Variants in GRIA3 observed in about 807,000 individuals in gnomAD.
GRIA3 encodes glutamate receptor 3.
A neutral mutation model predicts 63.0 loss-of-function variants in GRIA3; 3 were observed. That is an observed-to-expected ratio of 0.05 (90% CI 0.02 to 0.12). The LOEUF is 0.12. Among genes scored for constraint, GRIA3 ranks in the 10% least tolerant of loss-of-function variants. The probability of loss-of-function intolerance (pLI) is 1.00; values close to 1 mark genes in which losing one functional copy is unlikely to be tolerated. For synonymous variants in GRIA3, 274 were observed against 257.9 expected (o/e 1.06, Z -0.60); for missense variants, 347 against 700.9 (o/e 0.50, Z 5.70).
At chrX:123,390,824 T>C (rs1041395982) in intron 5 of GRIA3, among the ~76,000 whole-genome samples, 1 of 111,668 alleles carries the variant, frequency 9.0e-6, no homozygotes, top group African/African-American at 3.2e-5. Context: ...TTGTTTATTC[T>C]TTTTTAGTAT....
At chrX:123,422,915 C>A (rs1027924828) in intron 11 of GRIA3, among the ~76,000 whole-genome samples, 1 of 112,350 alleles carries the variant, frequency 8.9e-6, no homozygotes, top group Non-Finnish European at 1.9e-5. Flanking sequence ...TTAAAGATTA[C>A]AACTCTTGCA....
intron 3 of GRIA3, among the ~76,000 whole-genome samples, chrX:123,314,111 G>A (rs2044816033): frequency 9.0e-6 from 1 of 111,723 alleles, no homozygotes; most frequent in African/African-American, 3.3e-5. Context: ...TCTCTGCCCC[G>A]GGTATCTATA....
chrX:123,311,000 CAAAA>C (rs34433989), intron 3 of GRIA3, among the ~76,000 whole-genome samples: 4 of 86,280 alleles, frequency 4.6e-5, no homozygotes. Flanking sequence ...GAGAATCTGT[CAAAA>C]AAAAAAAAAA....
At chrX:123,300,080 C>A (rs147794361) in intron 3 of GRIA3, among the ~76,000 whole-genome samples, 1 of 111,255 alleles carries the variant, frequency 9.0e-6, no homozygotes, top group African/African-American at 3.3e-5. Flanking sequence ...ATAAAGCCAA[C>A]TTGATCATGA....
chrX:123,389,829 C>G (rs2045375218), intron 5 of GRIA3, among the ~76,000 whole-genome samples: 1 of 110,605 alleles, frequency 9.0e-6, no homozygotes, highest in Non-Finnish European at 1.9e-5. Flanking sequence ...GCTCAGCCTC[C>G]CAAGTAGCTG....
chrX:123,399,572 G>GGAA (rs2045433762), intron 7 of GRIA3, among the ~76,000 whole-genome samples: 1 of 111,945 alleles, frequency 8.9e-6, no homozygotes, highest in East Asian at 2.8e-4. Context: ...CAAGAGCTCT[G>GGAA]TCCTGAATAT....
intron 12 of GRIA3, among the ~76,000 whole-genome samples, chrX:123,458,599 C>A (rs2045775628): frequency 9.0e-6 from 1 of 111,460 alleles, no homozygotes; most frequent in South Asian, 3.8e-4. Flanking sequence ...CTCTAAAATT[C>A]TGTTATTCTA....
At chrX:123,451,231 T>C (rs1021781942) in intron 12 of GRIA3, among the ~76,000 whole-genome samples, 2 of 110,658 alleles carry the variant, frequency 1.8e-5, no homozygotes, top group Non-Finnish European at 3.8e-5. Flanking sequence ...CCGGGCATGG[T>C]GGCTTATGCC....
intron 4 of GRIA3, among the ~76,000 whole-genome samples, chrX:123,334,975 A>G: frequency 9.1e-6 from 1 of 109,915 alleles, no homozygotes; most frequent in Non-Finnish European, 1.9e-5. Context: ...GGTGAGGAGA[A>G]AAGGACATGT....
At chrX:123,258,790 A>T (rs746752478) in intron 3 of GRIA3, among the ~76,000 whole-genome samples, 2 of 110,679 alleles carry the variant, frequency 1.8e-5, no homozygotes, top group Non-Finnish European at 3.8e-5. Context: ...TCAACCTGAA[A>T]CTCCCTACTC....
At chrX:123,214,861 G>C (rs765011931) in intron 2 of GRIA3, among the ~76,000 whole-genome samples, 119 of 111,972 alleles carry the variant, frequency 1.1e-3, no homozygotes, top group Middle Eastern at 9.2e-3. Context: ...AGTGTCAGTG[G>C]CATCAAAATG....
chrX:123,374,500 C>A (rs2045271282), intron 5 of GRIA3, among the ~76,000 whole-genome samples: 1 of 111,765 alleles, frequency 8.9e-6, no homozygotes, highest in African/African-American at 3.3e-5. Flanking sequence ...ATGGAATGTT[C>A]TTCCATTTGT....
intron 3 of GRIA3, among the ~76,000 whole-genome samples, chrX:123,286,667 A>T (rs1272205595): frequency 8.9e-6 from 1 of 111,979 alleles, no homozygotes; most frequent in Non-Finnish European, 1.9e-5. Context: ...AATCTAGATG[A>T]AATGGATAAA....
chrX:123,400,611 CA>C (rs763188704), intron 7 of GRIA3, among the ~76,000 whole-genome samples: 77 of 112,044 alleles, frequency 6.9e-4, no homozygotes, highest in South Asian at 1.1e-3. Flanking sequence ...TCTCTTCCTT[CA>C]AAAGAAATCT....
intron 4 of GRIA3, among the ~76,000 whole-genome samples, chrX:123,347,840 G>C (rs1261530739): frequency 8.9e-6 from 1 of 111,953 alleles, no homozygotes; most frequent in Admixed American, 9.5e-5. Flanking sequence ...CATTTATAAA[G>C]AATTTTAGAC....
chrX:123,194,376 G>A (rs1350901552), intron 2 of GRIA3, among the ~76,000 whole-genome samples: 1 of 111,769 alleles, frequency 8.9e-6, no homozygotes, highest in Admixed American at 9.5e-5. Context: ...CAAGCCACAG[G>A]CAATAAATGA....
chrX:123,301,115 C>T (rs186965164), intron 3 of GRIA3, among the ~76,000 whole-genome samples: 30 of 111,053 alleles, frequency 2.7e-4, no homozygotes, highest in Non-Finnish European at 4.7e-4. Context: ...GAGTATGTGC[C>T]ATGTGCCAAT....
chrX:123,420,382 C>T (rs1265758540), intron 11 of GRIA3, among the ~76,000 whole-genome samples: 3 of 111,419 alleles, frequency 2.7e-5, no homozygotes, highest in Non-Finnish European at 3.8e-5. Context: ...TCTCAATCTG[C>T]TTGATTACAT....
chrX:123,462,991 C>A (rs967262394), intron 12 of GRIA3, among the ~76,000 whole-genome samples: 1 of 110,987 alleles, frequency 9.0e-6, no homozygotes, highest in African/African-American at 3.3e-5. Flanking sequence ...GGGCTAGAGG[C>A]ACAGTAAGCA....
Sources: allele counts gnomAD v4.1 joint callset (sites outside exome capture counted in the v4.1 genomes callset), GRCh38; gene constraint gnomAD v4.1.1; transcripts MANE v1.5; gene names NCBI Gene and HGNC (gene_info 2026-07-23, HGNC 2026-07-21).